Variants in PTPRR observed in about 807,000 individuals in gnomAD.
The protein encoded by PTPRR is receptor-type tyrosine-protein phosphatase R.
In PTPRR, 38 loss-of-function variants were observed where a neutral mutation model predicts 77.2. The ratio of observed to expected loss-of-function variants is 0.49; its 90% CI spans 0.38 to 0.65. The LOEUF (loss-of-function observed/expected upper bound fraction) is 0.65. Among genes scored for constraint, PTPRR ranks in the 30% least tolerant of loss-of-function variants. The pLI is 0.00. For missense variants in PTPRR, 744 were observed against 799.2 expected (o/e 0.93, Z 0.83); for synonymous variants, 299 against 283.1 (o/e 1.06, Z -0.57).
intron 2 of PTPRR, among the ~76,000 whole-genome samples, chr12:70,844,100 G>C (rs1302407948): frequency 1.3e-5 from 2 of 152,076 alleles, no homozygotes; most frequent in Admixed American, 1.3e-4. Flanking sequence ...ACAGGCGTGA[G>C]TCACCATGCC....
intron 1 of PTPRR, among the ~76,000 whole-genome samples, chr12:70,898,658 A>C (rs1410156121): frequency 6.6e-6 from 1 of 150,792 alleles, no homozygotes; most frequent in Admixed American, 6.6e-5. Context: ...CTCAAATCAA[A>C]GGTCTCAAAT....
chr12:70,867,852 G>A (rs1166060828), intron 2 of PTPRR, among the ~76,000 whole-genome samples: 5 of 152,046 alleles, frequency 3.3e-5, no homozygotes, highest in African/African-American at 9.7e-5. Context: ...CAGATCAATG[G>A]AACAGAACAG....
intron 3 of PTPRR, among the ~76,000 whole-genome samples, chr12:70,762,747 C>G (rs1039792637): frequency 3.9e-5 from 6 of 152,154 alleles, no homozygotes; most frequent in Admixed American, 1.3e-4. Flanking sequence ...AAGAGGCTTG[C>G]CCACATTCAC....
intron 2 of PTPRR, among the ~76,000 whole-genome samples, chr12:70,768,325 A>C (rs1297435267): frequency 6.6e-6 from 1 of 152,222 alleles, no homozygotes; most frequent in Non-Finnish European, 1.5e-5. Context: ...GATAAAGGGG[A>C]TATCACCATC....
At chr12:70,886,635 A>G (rs1313823294) in intron 2 of PTPRR, among the ~76,000 whole-genome samples, 1 of 152,246 alleles carries the variant, frequency 6.6e-6, no homozygotes, top group East Asian at 1.9e-4. Flanking sequence ...GTATATTTTT[A>G]ATGGAATTTC....
At chr12:70,900,332 T>A (rs1045924765) in intron 1 of PTPRR, among the ~76,000 whole-genome samples, 1 of 151,460 alleles carries the variant, frequency 6.6e-6, no homozygotes, top group African/African-American at 2.4e-5. Context: ...AGAGATTTCA[T>A]GCAGAAGCAT....
chr12:70,777,685 C>G (rs1166414930), intron 2 of PTPRR, among the ~76,000 whole-genome samples: 1 of 152,168 alleles, frequency 6.6e-6, no homozygotes, highest in Non-Finnish European at 1.5e-5. Context: ...CTTCTCCACC[C>G]TCTCTTTCTT....
intron 1 of PTPRR, among the ~76,000 whole-genome samples, chr12:70,904,985 G>A (rs1180011344): frequency 6.6e-6 from 1 of 151,634 alleles, no homozygotes; most frequent in Non-Finnish European, 1.5e-5. Flanking sequence ...AGAGATTTTG[G>A]CACATTTAAT....
At chr12:70,697,249 T>A (rs1360981428) in intron 8 of PTPRR, among the ~76,000 whole-genome samples, 2 of 152,170 alleles carry the variant, frequency 1.3e-5, no homozygotes, top group African/African-American at 2.4e-5. Context: ...TGTCTATTTT[T>A]AAAATTATAG....
intron 2 of PTPRR, among the ~76,000 whole-genome samples, chr12:70,822,955 C>T (rs1892043382): frequency 6.6e-6 from 1 of 151,900 alleles, no homozygotes; most frequent in African/African-American, 2.4e-5. Context: ...AGAACCCTTT[C>T]CTCTAAAGCC....
intron 2 of PTPRR, among the ~76,000 whole-genome samples, chr12:70,765,291 C>G (rs150126452): frequency 0.012 from 1,763 of 152,262 alleles, 33 homozygotes; most frequent in African/African-American, 0.041. Context: ...CCTGGAAAAT[C>G]GGGTCACTCC....
At chr12:70,680,490 T>C (rs1366885693) in intron 10 of PTPRR, among the ~76,000 whole-genome samples, 1 of 152,148 alleles carries the variant, frequency 6.6e-6, no homozygotes, top group Non-Finnish European at 1.5e-5. Flanking sequence ...TGCAGGTTTT[T>C]AAGCTGTAGT....
intron 2 of PTPRR, among the ~76,000 whole-genome samples, chr12:70,769,765 C>T (rs1444194042): frequency 1.3e-5 from 2 of 151,842 alleles, no homozygotes; most frequent in African/African-American, 2.4e-5. Flanking sequence ...AACTATACTA[C>T]AAGGCTACAG....
intron 6 of PTPRR, 25 bp downstream of exon 6, chr12:70,745,793 T>C (rs1404141113): frequency 2.5e-6 from 4 of 1,601,342 alleles, no homozygotes; most frequent in African/African-American, 1.3e-5. Context: ...AAGCCACACG[T>C]AGGGTATACA....
intron 10 of PTPRR, chr12:70,672,994 G>A: frequency 7.4e-7 from 1 of 1,345,258 alleles, no homozygotes; most frequent in Non-Finnish European, 9.7e-7. Flanking sequence ...GAAGGGAGAA[G>A]GATAGAGCTC....
intron 2 of PTPRR, among the ~76,000 whole-genome samples, chr12:70,817,215 T>G (rs1428620585): frequency 1.3e-5 from 2 of 152,212 alleles, no homozygotes; most frequent in Non-Finnish European, 2.9e-5. Context: ...CACTTTAATG[T>G]GTTTTAAAAG....
intron 2 of PTPRR, among the ~76,000 whole-genome samples, chr12:70,854,688 G>A (rs1391229455): frequency 6.6e-6 from 1 of 152,204 alleles, no homozygotes; most frequent in Non-Finnish European, 1.5e-5. Context: ...GATCTAGACA[G>A]CCTGGGTCTG....
At chr12:70,873,477 T>C (rs1892996492) in intron 2 of PTPRR, among the ~76,000 whole-genome samples, 1 of 152,176 alleles carries the variant, frequency 6.6e-6, no homozygotes, top group Admixed American at 6.5e-5. Flanking sequence ...GAGATGCCCA[T>C]CTCTAAACAG....
At chr12:70,832,266 G>T (rs953418760) in intron 2 of PTPRR, among the ~76,000 whole-genome samples, 1 of 152,192 alleles carries the variant, frequency 6.6e-6, no homozygotes, top group African/African-American at 2.4e-5. Context: ...TAGGGCTTGG[G>T]CCTGCTGCCC....
Sources: gnomAD v4.1 joint callset for allele counts (sites outside exome capture counted in the v4.1 genomes callset) on GRCh38, gnomAD v4.1.1 for gene constraint, MANE v1.5 for transcripts, NCBI Gene and HGNC (gene_info 2026-07-23, HGNC 2026-07-21) for gene names.